The following LRFN3 variants were observed in gnomAD, a reference collection of about 807,000 sequenced individuals.
LRFN3 encodes leucine rich repeat and fibronectin type III domain containing 3, also known as leucine-rich repeat and fibronectin type-III domain-containing protein 3.
In LRFN3, 8 loss-of-function variants were observed where a neutral mutation model predicts 23.8. The observed-to-expected ratio is 0.34, with a 90% CI of 0.20 to 0.61. The LOEUF (loss-of-function observed/expected upper bound fraction) is 0.61, where lower values mean the gene tolerates loss of function less well. LRFN3 is among the 20% of genes least tolerant of loss of function. The pLI is 0.80. For missense variants in LRFN3, 736 were observed against 935.3 expected, an observed-to-expected ratio of 0.79 and a Z score of 2.78; for synonymous variants, 451 against 450.6, an observed-to-expected ratio of 1.00 and a Z score of -0.01.
In LRFN3 at chr19:35,939,422, C is replaced by T. The variant is rs758103259; in HGVS notation, c.-4C>T. ...CTCTTCTCCGCAGGACACCCCTGCC[C>T]GCGATGGCCATCCTCCCGTTGCTCC... is the stretch of plus-strand genomic sequence containing the variant. On this transcript the variant is annotated 5_prime_UTR_variant, in exon 2 of 3. Transcript: ENST00000246529. This position sits in a 1 kb window ranked among gnomAD's most constrained non-coding sequence, Gnocchi z 6.4. 3.8e-5 allele frequency: 60 copies of T among 1,575,330 alleles called. No individual in the cohort carries two copies. Among genetic ancestry groups the T allele is most frequent in the Admixed American group, 5.1e-5 (3 of 58,982 alleles).
At position 35,944,674 on chromosome 19, in the gene LRFN3, C is replaced by T; in HGVS notation, c.1542C>T (p.Gly514=). The T allele has an allele frequency of 1.3e-6, 2 of 1,599,746 alleles. No individual in the cohort carries two copies. Among genetic ancestry groups the T allele is most frequent in the African/African-American group, 1.3e-5 (1 of 74,454 alleles). Residue 514 remains glycine, a synonymous_variant, in exon 3 of 3, where the codon GGC becomes GGT. Coordinates refer to ENST00000246529, the MANE Select transcript of LRFN3 (RefSeq NM_024509.2). This position sits in a 1 kb window ranked among gnomAD's most constrained non-coding sequence, Gnocchi z 4.5. ...ATGLTATRPV[G]CARFSTEPAL... Reference sequence around the variant, plus strand: ...GGCTCACGGCCACGCGGCCTGTGGGCTGCGCCCGCTTCTCCACCGAACCTG... The same window carrying T: ...GGCTCACGGCCACGCGGCCTGTGGGTTGCGCCCGCTTCTCCACCGAACCTG...
Position 35,936,761 on chromosome 19 carries a change from G to A in LRFN3, c.-811G>A, listed in dbSNP as rs978972761. 6.6e-6 allele frequency: 1 copy of A among 152,218 alleles called. No individual in the cohort carries two copies. The highest frequency in any genetic ancestry group is 6.5e-5 in the Admixed American group (1 of 15,270). The allele number at this position is 152,218 out of a possible 1,614,324, so 9.4% of individuals were successfully genotyped here. A position where few individuals can be genotyped will look rare whatever the true frequency, so the allele number is the denominator to read the frequency against. ...GGCCTGCACCCCCAGATTGAATCGGGAATTCCGGAAACCCGAGCCTGGAAC... is the reference window on the plus strand; with the variant it reads ...GGCCTGCACCCCCAGATTGAATCGGAAATTCCGGAAACCCGAGCCTGGAAC... On this transcript the variant is annotated 5_prime_UTR_variant, in exon 1 of 3. Transcript: ENST00000246529.
chr19:35,938,555 C>T (rs1976081900), intron 1 of LRFN3, among the ~76,000 whole-genome samples: 1 of 152,238 alleles, frequency 6.6e-6, no homozygotes, highest in South Asian at 2.1e-4. Flanking sequence ...CTCTGATCAT[C>T]TCGAACATCT....
Position 35,940,615 on chromosome 19 carries a change from G to A in LRFN3, c.1190G>A (p.Cys397Tyr), listed in dbSNP as rs1254974419. The A allele has an allele frequency of 1.2e-6, 2 of 1,610,448 alleles. No individual in the cohort carries two copies. Among genetic ancestry groups the A allele is most frequent in the African/African-American group, 2.7e-5 (2 of 74,904 alleles). ...PPPQLANSTS[C>Y]DPPRDGDPDA... ...CCTCAGCTAGCCAACAGCACCAGCTGTGACCCCCCGCGGGACGGGGATCCT... is the reference window on the plus strand; with the variant it reads ...CCTCAGCTAGCCAACAGCACCAGCTATGACCCCCCGCGGGACGGGGATCCT... The change falls in exon 2 of 3, where the codon TGT becomes TAT. Residue 397 changes from cysteine to tyrosine, a missense_variant. Coordinates refer to ENST00000246529, the MANE Select transcript of LRFN3 (RefSeq NM_024509.2).
intron 2 of LRFN3, among the ~76,000 whole-genome samples, chr19:35,943,808 G>T (rs1479290949): frequency 1.3e-5 from 2 of 152,152 alleles, no homozygotes; most frequent in Non-Finnish European, 1.5e-5. Context: ...GCAAAATTGG[G>T]CAGGGAGGCT....
chr19:35,939,744 C>T lies in LRFN3; in HGVS notation c.319C>T (p.Arg107Trp), dbSNP rs980544730. 7.5e-6 allele frequency: 12 copies of T among 1,604,050 alleles called. No individual in the cohort carries two copies. The highest frequency in any genetic ancestry group is 2.2e-5 in the East Asian group (1 of 44,806). Residue 107 changes from arginine to tryptophan, a missense_variant, in exon 2 of 3, where the codon CGG becomes TGG. This residue lies in a region of LRFN3 where 446 missense variants were observed against 647.9 expected (regional missense o/e 0.69). Transcript: ENST00000246529. This position sits in a 1 kb window ranked among gnomAD's most constrained non-coding sequence, Gnocchi z 6.4. ...HVAAGAFADL[R>W]ALRALHLDGN... ...GGCTGCCGGCGCCTTCGCCGACCTG[C>T]GGGCCCTGCGTGCCCTGCACCTGGA...
Position 35,939,302 on chromosome 19 carries a change from C to A in LRFN3, c.-16-108C>A. 8.3e-7 allele frequency: 1 copy of A among 1,209,654 alleles called. No individual in the cohort carries two copies. Among genetic ancestry groups the A allele is most frequent in the Non-Finnish European group, 1.1e-6 (1 of 879,062 alleles). 74.9% of individuals were successfully genotyped at this position (1,209,654 alleles called of 1,614,324 possible). On this transcript the variant is annotated intron_variant, in intron 1 of 2. Transcript: ENST00000246529. This position sits in a 1 kb window ranked among gnomAD's most constrained non-coding sequence, Gnocchi z 6.4. ...TTTGGTCACATCTGACGGTCTTTGA[C>A]CAGCCCTTCTGCCCTCAGCCCACTG...
chr19:35,943,142 C>T (rs949661961), intron 2 of LRFN3, among the ~76,000 whole-genome samples: 1 of 152,090 alleles, frequency 6.6e-6, no homozygotes, highest in Non-Finnish European at 1.5e-5. Flanking sequence ...TTCCCTGTAC[C>T]TCTCTCATTA....
Position 35,944,470 on chromosome 19 carries a change from C to T in LRFN3, c.1416-78C>T, listed in dbSNP as rs1179418570. 7.9e-6 allele frequency: 8 copies of T among 1,018,552 alleles called. No homozygotes were observed. The highest frequency in any genetic ancestry group is 9.4e-6 in the Non-Finnish European group (7 of 746,572). 63.1% of individuals were successfully genotyped at this position (1,018,552 alleles called of 1,614,324 possible). On this transcript the variant is annotated intron_variant, in intron 2 of 2. Transcript: ENST00000246529. This position sits in a 1 kb window ranked among gnomAD's most constrained non-coding sequence, Gnocchi z 4.5. ...AGTGGACTGGTGGGAAGTCTAGCCC[C>T]GCAGGGAGTTTGGTGGGGGAAGCAC...
In LRFN3 at chr19:35,945,036, CT is replaced by C. The variant is rs528552685; in HGVS notation, c.*18del. 1,488 of 1,279,584 alleles carry C rather than the reference CT, an allele frequency of 1.2e-3. 2 individuals carry two copies. Among genetic ancestry groups the C allele is most frequent in the East Asian group, 7.8e-3 (252 of 32,364 alleles). The allele number at this position is 1,279,584 out of a possible 1,614,324, so 79.3% of individuals were successfully genotyped here. ...GGACCCTAGCCAGGCGCCCCCCCCT[CT>C]AAGGGTCCTCTGGCCCCACGGACAG... On this transcript the variant is annotated 3_prime_UTR_variant, in exon 3 of 3. Coordinates refer to ENST00000246529, the MANE Select transcript of LRFN3 (RefSeq NM_024509.2).
intron 1 of LRFN3, among the ~76,000 whole-genome samples, chr19:35,938,102 C>T (rs186655969): frequency 3.0e-4 from 45 of 152,320 alleles, no homozygotes; most frequent in South Asian, 4.1e-4. Flanking sequence ...CGTCCCCATC[C>T]ATCTTTGACA....
At position 35,944,719 on chromosome 19, in the gene LRFN3, G is replaced by T. The variant is rs764494861; in HGVS notation, c.1587G>T (p.Ala529=). 3 of 1,604,636 alleles carry T rather than the reference G, an allele frequency of 1.9e-6. No individual in the cohort carries two copies. In the African/African-American group the frequency reaches 4.0e-5, roughly 22 times the overall value. ...STEPALRPCG[A]PHAPFLGGTM... ...AACCTGCGCTGCGGCCATGCGGGGC[G>T]CCGCACGCTCCCTTCCTGGGCGGCA... The change falls in exon 3 of 3, where the codon GCG becomes GCT. Residue 529 remains alanine, a synonymous_variant. Coordinates refer to ENST00000246529, the MANE Select transcript of LRFN3 (RefSeq NM_024509.2). The surrounding 1 kb of genome is among the most constrained non-coding windows in gnomAD (Gnocchi z 4.5).
chr19:35,946,525 G>A lies in LRFN3; in HGVS notation c.*1506G>A, dbSNP rs896194881. 2.6e-5 allele frequency among the ~76,000 whole-genome samples: 4 copies of A among 151,950 alleles called. No homozygotes were observed. Among genetic ancestry groups the A allele is most frequent in the Non-Finnish European group, 4.4e-5 (3 of 67,984 alleles). ...AGAAAAACCTAACCAAGACTAAACAGGACCAGCAGGCAGAGGGACAGGGGG... is the reference window on the plus strand; with the variant it reads ...AGAAAAACCTAACCAAGACTAAACAAGACCAGCAGGCAGAGGGACAGGGGG... On this transcript the variant is annotated 3_prime_UTR_variant, in exon 3 of 3. Coordinates refer to ENST00000246529, the MANE Select transcript of LRFN3 (RefSeq NM_024509.2).
chr19:35,945,297 C>G lies in LRFN3; in HGVS notation c.*278C>G. On this transcript the variant is annotated 3_prime_UTR_variant, in exon 3 of 3. Transcript: ENST00000246529. ...GGAGACACCCCCTCCCCGCCCAGTT[C>G]AGTCTGAGGACCCCGGAGGAGGCTG... The G allele has an allele frequency of 2.8e-6, 1 of 354,378 alleles. No individual in the cohort carries two copies. The highest frequency in any genetic ancestry group is 5.0e-6 in the Non-Finnish European group (1 of 198,186). 22.0% of individuals were successfully genotyped at this position (354,378 alleles called of 1,614,324 possible).
chr19:35,944,570 T>A lies in LRFN3; in HGVS notation c.1438T>A (p.Ser480Thr). 3 of 1,472,694 alleles carry A rather than the reference T, an allele frequency of 2.0e-6. No individual in the cohort carries two copies. The highest frequency in any genetic ancestry group is 2.7e-6 in the Non-Finnish European group (3 of 1,117,310). The allele number at this position is 1,472,694 out of a possible 1,614,324, so 91.2% of individuals were successfully genotyped here. Residue 480 changes from serine (S) to threonine (T), a missense_variant, in exon 3 of 3, where the codon TCG (serine) becomes ACG (threonine). Ser to Thr is a moderately conservative substitution (Grantham distance 58). Around this residue, in one of 2 missense-constraint regions of LRFN3, gnomAD observed 290 missense variants for 287.4 expected, o/e 1.01. Coordinates refer to ENST00000246529, the MANE Select transcript of LRFN3 (RefSeq NM_024509.2). This position sits in a 1 kb window ranked among gnomAD's most constrained non-coding sequence, Gnocchi z 4.5. ...VYRMIPAESRSFLLTDLASGR... is the reference protein window; with the variant it reads ...VYRMIPAESRTFLLTDLASGR... ...CAGGATGATCCCGGCGGAGAGCCGC[T>A]CGTTCCTGCTGACGGACCTGGCGTC...
At position 35,940,289 on chromosome 19, in the gene LRFN3, G is replaced by A. The variant is rs772938370; in HGVS notation, c.864G>A (p.Glu288=). The A allele has an allele frequency of 6.3e-6, 10 of 1,598,874 alleles. No individual in the cohort carries two copies. The highest frequency in any genetic ancestry group is 2.2e-5 in the South Asian group (2 of 90,686). Residue 288 remains glutamate (E), a synonymous_variant, in exon 2 of 3, where the codon GAG becomes GAA. Coordinates refer to ENST00000246529, the MANE Select transcript of LRFN3 (RefSeq NM_024509.2). ...LGGRYFWAVG[E]EEFVCEPPVV... is the part of the protein sequence containing the mutation. ...GCCGCTACTTCTGGGCGGTGGGCGA[G>A]GAGGAGTTTGTCTGCGAGCCGCCCG...
In LRFN3 at chr19:35,939,590, C is replaced by T; in HGVS notation, c.165C>T (p.Pro55=). ...CPGAGLLFVP[P]SLDRRAAELR... ...GGGCAGGCCTCCTGTTCGTGCCACCCTCGCTGGACCGCCGGGCAGCCGAGC... is the reference window on the plus strand; with the variant it reads ...GGGCAGGCCTCCTGTTCGTGCCACCTTCGCTGGACCGCCGGGCAGCCGAGC... The change falls in exon 2 of 3, where the codon CCC becomes CCT. Residue 55 remains proline, a synonymous_variant. Transcript: ENST00000246529. This position sits in a 1 kb window ranked among gnomAD's most constrained non-coding sequence, Gnocchi z 6.4. 1 of 1,608,858 alleles carries T rather than the reference C, an allele frequency of 6.2e-7. No homozygotes were observed. Among genetic ancestry groups the T allele is most frequent in the Non-Finnish European group, 8.5e-7 (1 of 1,179,428 alleles).
Position 35,937,428 on chromosome 19 carries a change from G to C in LRFN3, c.-144G>C, listed in dbSNP as rs1000165289. The C allele has an allele frequency of 6.6e-6, 1 of 152,618 alleles. No homozygotes were observed. The highest frequency in any genetic ancestry group is 2.4e-5 in the African/African-American group (1 of 41,412). The allele number at this position is 152,618 out of a possible 1,614,324, so 9.5% of individuals were successfully genotyped here. On this transcript the variant is annotated 5_prime_UTR_variant, in exon 1 of 3. Transcript: ENST00000246529. ...CTCCGTTGCCACAGATTTGAGCCGAGTCAGGACACAGTCCCTCTACAGAAG... is the reference window on the plus strand; with the variant it reads ...CTCCGTTGCCACAGATTTGAGCCGACTCAGGACACAGTCCCTCTACAGAAG...
chr19:35,939,891 G>C lies in LRFN3; in HGVS notation c.466G>C (p.Glu156Gln). ...GGCCGGCGCCCTGGATGATTGTGCC[G>C]AGACACTGGAGGACCTCGACCTCTC... ...LAAGALDDCA[E>Q]TLEDLDLSYN... The change falls in exon 2 of 3, where the codon GAG becomes CAG. Residue 156 changes from glutamate (E) to glutamine (Q), a missense_variant. Transcript: ENST00000246529. The surrounding 1 kb of genome is among the most constrained non-coding windows in gnomAD (Gnocchi z 6.4). 6.2e-7 allele frequency: 1 copy of C among 1,601,868 alleles called. No individual in the cohort carries two copies. The highest frequency in any genetic ancestry group is 8.5e-7 in the Non-Finnish European group (1 of 1,179,794).
Sources: gnomAD v4.1 joint callset for allele counts (sites outside exome capture counted in the v4.1 genomes callset) on GRCh38, gnomAD v4.1.1 for gene constraint, gnomAD v4.1.1 regional missense constraint, Gnocchi (gnomAD v3.1) non-coding constraint, MANE v1.5 for transcripts, NCBI Gene and HGNC (gene_info 2026-07-23, HGNC 2026-07-21) for gene names.